SLC41A3: variants seen among roughly 807,000 people sequenced by gnomAD.
The protein encoded by SLC41A3 is solute carrier family 41 member 3.
Under a neutral mutation model 45.4 loss-of-function variants are expected in SLC41A3, and 44 were observed. That is an observed-to-expected ratio of 0.97 (90% CI 0.76 to 1.25). The LOEUF is 1.25. Ranked by LOEUF, SLC41A3 falls within the 50% of genes most tolerant of loss-of-function variation. SLC41A3 has a pLI of 0.00. For synonymous variants in SLC41A3, 256 were observed against 252.4 expected, an observed-to-expected ratio of 1.01 and a Z score of -0.13; for missense variants, 550 against 600.6, an observed-to-expected ratio of 0.92 and a Z score of 0.88.
chr3:126,031,950 A>T (rs922148303), intron 4 of SLC41A3, among the ~76,000 whole-genome samples: 1 of 152,220 alleles, frequency 6.6e-6, no homozygotes, highest in Non-Finnish European at 1.5e-5. Context: ...ACACAACTAC[A>T]ATCAGGGCAG....
Position 126,075,967 on chromosome 3 carries a change from G to GA in SLC41A3, c.-27-7722dup, listed in dbSNP as rs578204927. 7.7e-3 allele frequency among the ~76,000 whole-genome samples: 1,171 copies of GA among 152,202 alleles called. 10 individuals carry two copies. Among genetic ancestry groups the GA allele is most frequent in the Non-Finnish European group, 0.011 (725 of 67,994 alleles). On this transcript the variant is annotated intron_variant, in intron 1 of 10. Coordinates refer to ENST00000360370, the MANE Select transcript of SLC41A3 (RefSeq NM_017836.4). Reference sequence around the variant, plus strand: ...GATATCTGAAGTACAAGCAACCAAAGAAAAAACTGACAAATTGGATTTCAT... The same window carrying GA: ...GATATCTGAAGTACAAGCAACCAAAGAAAAAAACTGACAAATTGGATTTCAT...
chr3:126,095,174 C>A, intron 1 of SLC41A3: 1 of 686,696 alleles, frequency 1.5e-6, no homozygotes, highest in Non-Finnish European at 2.6e-6. Flanking sequence ...AGAGGTTATG[C>A]TTATGTCTCT....
At chr3:126,084,797 G>A (rs958508178), upstream of SLC41A3, among the ~76,000 whole-genome samples, 1 of 152,126 alleles carries the variant, frequency 6.6e-6, no homozygotes, top group Non-Finnish European at 1.5e-5. Context: ...GCACCTCCCC[G>A]TTCCCAACCA....
At chr3:126,099,922 G>A (rs1361863068) in intron 1 of SLC41A3, among the ~76,000 whole-genome samples, 1 of 152,142 alleles carries the variant, frequency 6.6e-6, no homozygotes, top group Non-Finnish European at 1.5e-5. Flanking sequence ...CTGTGGGTTG[G>A]CAGAGGGAAT....
intron 3 of SLC41A3, among the ~76,000 whole-genome samples, chr3:126,041,334 A>G (rs1559846602): frequency 6.6e-6 from 1 of 152,344 alleles, no homozygotes; most frequent in East Asian, 1.9e-4. Context: ...AGCTGAAGAC[A>G]GATGTCTTTA....
At chr3:126,059,672 T>C (rs1943952444) in intron 2 of SLC41A3, among the ~76,000 whole-genome samples, 2 of 152,154 alleles carry the variant, frequency 1.3e-5, no homozygotes, top group South Asian at 4.1e-4. Flanking sequence ...CTGCCCGTCA[T>C]CCATGGTTAG....
At chr3:126,050,812 G>C (rs1012752495) in intron 3 of SLC41A3, 131 bp downstream of exon 3, 39 of 1,392,550 alleles carry the variant, frequency 2.8e-5, no homozygotes, top group Non-Finnish European at 1.0e-5. Context: ...AGCATGATGA[G>C]GTATCAAAAC....
In SLC41A3 at chr3:126,096,767, G is replaced by T. The variant is rs147408622; in HGVS notation, c.-79+4662C>A. 4.1e-3 allele frequency among the ~76,000 whole-genome samples: 624 copies of T among 151,200 alleles called. 5 individuals carry two copies. The highest frequency in any genetic ancestry group is 0.015 in the African/African-American group (604 of 41,424). On this transcript the variant is annotated intron_variant, in intron 1 of 9. Coordinates refer to the SLC41A3 transcript ENST00000508835. The stretch of plus-strand genomic sequence containing the variant: ...ATACGTGGGTAAATCTCTGTTCAGG[G>T]CTTTCAGCTCTCAAGGCTGTGAGAC...
intron 1 of SLC41A3, among the ~76,000 whole-genome samples, chr3:126,100,161 A>G (rs181784725): frequency 3.3e-5 from 5 of 152,030 alleles, no homozygotes; most frequent in Admixed American, 2.6e-4. Context: ...TATTCTCCCC[A>G]AAGACAGGTC....
chr3:126,055,864 G>A (rs558151867), intron 2 of SLC41A3, among the ~76,000 whole-genome samples: 67 of 152,148 alleles, frequency 4.4e-4, no homozygotes, highest in African/African-American at 1.4e-3. Flanking sequence ...TTTTACCAGG[G>A]GCCACGCCAG....
At chr3:126,056,399 A>T (rs751394214) in intron 2 of SLC41A3, 5 of 1,614,198 alleles carry the variant, frequency 3.1e-6, no homozygotes, top group Middle Eastern at 1.6e-4. Flanking sequence ...ATCATGCACA[A>T]GCCGGACAGC....
At chr3:126,018,364 G>A (rs34867679) in intron 6 of SLC41A3, among the ~76,000 whole-genome samples, 4,697 of 152,262 alleles carry the variant, frequency 0.031, 91 homozygotes, top group Middle Eastern at 0.048. Flanking sequence ...TTTAAGTTTA[G>A]TTTAGCTTAA....
intron 4 of SLC41A3, among the ~76,000 whole-genome samples, chr3:126,031,103 A>T (rs1941764460): frequency 6.6e-6 from 1 of 152,244 alleles, no homozygotes; most frequent in South Asian, 2.1e-4. Context: ...ATGTTTAAAC[A>T]ATACAGAAAA....
chr3:126,030,262 T>A (rs1251488377), intron 4 of SLC41A3, among the ~76,000 whole-genome samples: 2 of 141,916 alleles, frequency 1.4e-5, no homozygotes, highest in African/African-American at 5.2e-5. Flanking sequence ...TAACATATAA[T>A]ATATATGATA....
At position 126,026,361 on chromosome 3, in the gene SLC41A3, G is replaced by C. The variant is rs767134810; in HGVS notation, c.572C>G (p.Thr191Ser). 13 of 1,571,220 alleles carry C rather than the reference G, an allele frequency of 8.3e-6. No individual in the cohort carries two copies. Among genetic ancestry groups the C allele is most frequent in the Non-Finnish European group, 1.0e-5 (12 of 1,157,166 alleles). The stretch of plus-strand genomic sequence containing the variant: ...CAGGGCAAAGGCTGCAAGGAAGGCA[G>C]TGAGGACACTGCTGGCACACAGCAA... ...VELLCASSVL[T>S]AFLAAFALGV... Residue 191 changes from threonine to serine, a missense_variant, in exon 5 of 11, where the codon ACT (threonine) becomes AGT (serine). Thr to Ser is a moderately conservative substitution (Grantham distance 58). Transcript: ENST00000360370. This position sits in a 1 kb window ranked among gnomAD's most constrained non-coding sequence, Gnocchi z 4.2.
chr3:126,084,682 C>CT (rs1945337406), upstream of SLC41A3, among the ~76,000 whole-genome samples: 1 of 152,110 alleles, frequency 6.6e-6, no homozygotes, highest in Admixed American at 6.5e-5. Flanking sequence ...ACGGTCACAC[C>CT]TAACGAAATT....
intron 2 of SLC41A3, among the ~76,000 whole-genome samples, chr3:126,054,719 G>A (rs1233442151): frequency 6.6e-6 from 1 of 151,980 alleles, no homozygotes; most frequent in Non-Finnish European, 1.5e-5. Context: ...CCCCTAGGAA[G>A]AATGACTGCT....
chr3:126,051,176 T>C (rs1943308404), intron 2 of SLC41A3, 126 bp from the exon 3 acceptor site: 4 of 1,104,490 alleles, frequency 3.6e-6, no homozygotes, highest in Non-Finnish European at 4.9e-6. Context: ...GACTAAGTAC[T>C]TTCTTAAATG....
At chr3:126,056,640 G>A in intron 2 of SLC41A3, 1 of 1,492,528 alleles carries the variant, frequency 6.7e-7, no homozygotes, top group East Asian at 2.4e-5. Context: ...CCAGGACGCT[G>A]TTCCCAAGAA....
Sources: gnomAD v4.1 joint callset for allele counts (sites outside exome capture counted in the v4.1 genomes callset) on GRCh38, gnomAD v4.1.1 for gene constraint, Gnocchi (gnomAD v3.1) non-coding constraint, MANE v1.5 for transcripts, NCBI Gene and HGNC (gene_info 2026-07-23, HGNC 2026-07-21) for gene names.